SPTBN5: variants seen among roughly 807,000 people sequenced by gnomAD.
SPTBN5 encodes spectrin beta chain, non-erythrocytic 5.
SPTBN5 carries 513 observed loss-of-function variants against 477.6 expected under a neutral mutation model. The ratio of observed to expected loss-of-function variants is 1.07; its 90% CI spans 1.00 to 1.16. The LOEUF (loss-of-function observed/expected upper bound fraction) is 1.16, where lower values mean the gene tolerates loss of function less well. SPTBN5 is among the 50% of genes most tolerant of loss of function. The probability of loss-of-function intolerance (pLI) is 0.00; values close to 1 mark genes in which losing one functional copy is unlikely to be tolerated. For missense variants in SPTBN5, 5,062 were observed against 4,731.8 expected (o/e 1.07, Z -2.05); for synonymous variants, 2,169 against 2,011.7 (o/e 1.08, Z -2.09).
chr15:41,880,447 C>T, intron 13 of SPTBN5, 135 bp from the exon 14 acceptor site: 1 of 927,978 alleles, frequency 1.1e-6, no homozygotes. Flanking sequence ...GGGTCCCTGC[C>T]TCACTGCTGG....
At chr15:41,853,172 T>A (rs2140912426) in intron 59 of SPTBN5, 86 bp downstream of exon 59, 1 of 1,513,190 alleles carries the variant, frequency 6.6e-7, no homozygotes, top group Non-Finnish European at 8.9e-7. Flanking sequence ...TTCCTGCTGG[T>A]TTCCATGCCT....
At chr15:41,890,067 G>C in intron 4 of SPTBN5, 22 bp downstream of exon 4, 1 of 1,541,708 alleles carries the variant, frequency 6.5e-7, no homozygotes, top group Non-Finnish European at 8.9e-7. Context: ...CCAGGTGCTG[G>C]GTACTGGGGA....
At chr15:41,877,565 C>A (rs1202178994) in intron 17 of SPTBN5, among the ~76,000 whole-genome samples, 1 of 152,230 alleles carries the variant, frequency 6.6e-6, no homozygotes, top group Non-Finnish European at 1.5e-5. Flanking sequence ...CAGCCGATGC[C>A]CGGCCTAGAG....
At chr15:41,884,041 G>A (rs1197693) in intron 7 of SPTBN5, among the ~76,000 whole-genome samples, 16,569 of 151,994 alleles carry the variant, frequency 0.11, 1,485 homozygotes, top group African/African-American at 0.24. Context: ...GCCGGACTGC[G>A]GTGGCACGAT....
chr15:41,869,834 C>A lies in SPTBN5; in HGVS notation c.5853+7G>T. 1 of 1,549,382 alleles carries A rather than the reference C, an allele frequency of 6.5e-7. No individual in the cohort carries two copies. The highest frequency in any genetic ancestry group is 8.6e-7 in the Non-Finnish European group (1 of 1,159,080). ...ACACACACCACCCAAAGGGCAGGAG[C>A]CCTCACCGCCGTGCGGAAGCGGGCC... is the stretch of plus-strand genomic sequence containing the variant. On this transcript the variant is annotated splice_region_variant and intron_variant, in intron 32 of 67. Coordinates refer to ENST00000320955, the MANE Select transcript of SPTBN5 (RefSeq NM_016642.4).
chr15:41,854,596 G>T (rs2065877556), intron 56 of SPTBN5, among the ~76,000 whole-genome samples, 186 bp downstream of exon 56: 1 of 152,036 alleles, frequency 6.6e-6, no homozygotes, highest in African/African-American at 2.4e-5. Context: ...GACCTACAGA[G>T]ATGGAATGTC....
In SPTBN5 at chr15:41,892,967, G is replaced by T. The variant is rs937520070; in HGVS notation, c.311C>A (p.Pro104His). 12 of 1,609,344 alleles carry T rather than the reference G, an allele frequency of 7.5e-6. No homozygotes were observed. Among genetic ancestry groups the T allele is most frequent in the African/African-American group, 6.7e-5 (5 of 74,946 alleles). ...LELISGEALP[P>H]PSRGRLRVHF... ...CACACGCAGGCGGCCCCGGCTCGGG[G>T]GTGGCAGGGCCTCCCCTGAGATGAG... The change falls in exon 3 of 68, where the codon CCC becomes CAC. Residue 104 changes from proline to histidine, a missense_variant. Pro to His is a moderately conservative substitution (Grantham distance 77). Transcript: ENST00000320955.
intron 4 of SPTBN5, 98 bp from the exon 5 acceptor site, chr15:41,888,183 C>A: frequency 7.9e-7 from 1 of 1,258,158 alleles, no homozygotes; most frequent in South Asian, 1.4e-5. Flanking sequence ...CAGCAGGATC[C>A]TGCTCCTCCC....
rs375048165 is a variant in SPTBN5 at position 41,850,816 on chromosome 15, G to T, written c.10921+38C>A. 6.4e-4 allele frequency: 986 copies of T among 1,537,968 alleles called. 13 individuals carry two copies. In the South Asian group the frequency reaches 0.011, roughly 17 times the overall value. ...GGCCCAGGAGCTTGGGGCCCAGGGAGTCGGCCGCCCTCCCCGCATCCTTCC... is the reference window on the plus strand; with the variant it reads ...GGCCCAGGAGCTTGGGGCCCAGGGATTCGGCCGCCCTCCCCGCATCCTTCC... On this transcript the variant is annotated intron_variant, in intron 66 of 67. Transcript: ENST00000320955.
Position 41,857,437 on chromosome 15 carries a change from C to A in SPTBN5, c.8422G>T (p.Val2808Phe), listed in dbSNP as rs753767881. Residue 2808 changes from valine to phenylalanine, a missense_variant, in exon 51 of 68, where the codon GTT becomes TTT. By Grantham distance (50) the Val-to-Phe change is conservative (BLOSUM62 -1). Transcript: ENST00000320955. ...CCCACAGTGGGGGCTCTCAGCTCAA[C>A]CTCGATGGGCTCCAGCCAGTTCTCC... Reference protein sequence around the residue: ...ELENWLEPIEVELRAPTVGQA... With the variant: ...ELENWLEPIEFELRAPTVGQA... The A allele has an allele frequency of 5.0e-6, 8 of 1,606,198 alleles. No homozygotes were observed. In the East Asian group the frequency reaches 6.7e-5, roughly 14 times the overall value.
intron 41 of SPTBN5, 71 bp from the exon 42 acceptor site, chr15:41,862,974 A>G (rs1388795851): frequency 2.2e-6 from 3 of 1,389,294 alleles, no homozygotes; most frequent in Non-Finnish European, 3.0e-6. Context: ...AAAGGGCCCA[A>G]CCAGTGGCTT....
intron 47 of SPTBN5, 39 bp from the exon 48 acceptor site, chr15:41,859,019 CG>C: frequency 1.4e-6 from 2 of 1,458,856 alleles, no homozygotes; most frequent in South Asian, 1.4e-5. Context: ...GAGCCACCCC[CG>C]GGGCCAGGTG....
In SPTBN5 at chr15:41,870,442, A is replaced by T. The variant is rs760286335; in HGVS notation, c.5562+4T>A. 20 of 1,613,408 alleles carry T rather than the reference A, an allele frequency of 1.2e-5. No homozygotes were observed. The highest frequency in any genetic ancestry group is 1.6e-5 in the Non-Finnish European group (19 of 1,179,690). On this transcript the variant is annotated splice_donor_region_variant and intron_variant, in intron 30 of 67. Transcript: ENST00000320955. ...CCACTTCTAGCCACCCCTCCGGCTC[A>T]CACCTGGACCTGGGTGAGGACTTCC...
intron 39 of SPTBN5, among the ~76,000 whole-genome samples, chr15:41,864,825 C>A (rs1435397788): frequency 6.6e-6 from 1 of 152,214 alleles, no homozygotes; most frequent in Non-Finnish European, 1.5e-5. Context: ...AGATCTCCTG[C>A]CTCTGGCTTC....
chr15:41,858,030 C>A (rs1489488840), intron 49 of SPTBN5, among the ~76,000 whole-genome samples: 1 of 152,226 alleles, frequency 6.6e-6, no homozygotes, highest in Admixed American at 6.5e-5. Flanking sequence ...GGCACAGTGG[C>A]TCATTCCTGT....
At chr15:41,857,170 AAG>A in intron 51 of SPTBN5, 66 bp downstream of exon 51, 1 of 1,529,774 alleles carries the variant, frequency 6.5e-7, no homozygotes, top group Non-Finnish European at 8.8e-7. Flanking sequence ...GACATCAGTT[AAG>A]AGGGCAGGGG....
chr15:41,886,979 CT>C (rs1303229658), intron 6 of SPTBN5, among the ~76,000 whole-genome samples: 1 of 152,272 alleles, frequency 6.6e-6, no homozygotes, highest in Non-Finnish European at 1.5e-5. Flanking sequence ...CATTCCTCCC[CT>C]GGCTTCCCTT....
In SPTBN5 at chr15:41,877,172, C is replaced by T. The variant is rs796512029; in HGVS notation, c.3655G>A (p.Gly1219Ser). The T allele has an allele frequency of 6.2e-7, 1 of 1,613,968 alleles. No homozygotes were observed. The highest frequency in any genetic ancestry group is 1.7e-5 in the Admixed American group (1 of 60,026). ...ELQKFGREVD[G>S]FTATCANHQA... ...TGGTTGGCACAGGTGGCAGTGAAAC[C>T]ATCCACTTCTCGGCCAAACTTCTGC... Residue 1219 changes from glycine (G) to serine (S), a missense_variant, in exon 18 of 68, where the codon GGT becomes AGT. Physicochemically the swap from Gly to Ser is moderately conservative, Grantham distance 56 (BLOSUM62 0). Coordinates refer to ENST00000320955, the MANE Select transcript of SPTBN5 (RefSeq NM_016642.4).
At chr15:41,853,929 G>A in intron 57 of SPTBN5, 121 bp downstream of exon 57, 1 of 1,440,554 alleles carries the variant, frequency 6.9e-7, no homozygotes. Flanking sequence ...CCTCGGGGAA[G>A]GATCTGGGTT....
Sources: allele counts gnomAD v4.1 joint callset (sites outside exome capture counted in the v4.1 genomes callset), GRCh38; gene constraint gnomAD v4.1.1; transcripts MANE v1.5; gene names NCBI Gene and HGNC (gene_info 2026-07-23, HGNC 2026-07-21).